The following KCND3 variants were observed in gnomAD, a reference collection of about 807,000 sequenced individuals.
The protein encoded by KCND3 is potassium voltage-gated channel subfamily D member 3.
KCND3 carries 9 observed loss-of-function variants against 51.1 expected under a neutral mutation model. That is an observed-to-expected ratio of 0.18 (90% CI 0.11 to 0.31). The LOEUF is 0.31. Among genes scored for constraint, KCND3 ranks in the 10% least tolerant of loss-of-function variants. The pLI, the probability that KCND3 is intolerant of heterozygous loss-of-function variation, is 1.00. For missense variants in KCND3, 526 were observed against 903.8 expected (o/e 0.58, Z 5.36); for synonymous variants, 349 against 368.0 (o/e 0.95, Z 0.59).
rs958270299 is a variant in KCND3, at chr1:111,786,868, C to T, written c.1269+76G>A. Reference sequence around the variant, plus strand: ...ATCTGTGCAGTGATCCTGTGAGGAGCTCTAGTCCTGGCTCCCTGACTGGTG... The same window carrying T: ...ATCTGTGCAGTGATCCTGTGAGGAGTTCTAGTCCTGGCTCCCTGACTGGTG... On this transcript the variant is annotated intron_variant, in intron 3 of 7. Coordinates refer to ENST00000302127, the MANE Select transcript of KCND3 (RefSeq NM_001378969.1). 4 of 1,564,468 alleles carry T rather than the reference C, an allele frequency of 2.6e-6. No individual in the cohort carries two copies. The African/African-American group carries it at 5.4e-5, about 21-fold the overall frequency.
At chr1:111,960,082 G>C (rs1239763674) in intron 2 of KCND3, among the ~76,000 whole-genome samples, 1 of 151,590 alleles carries the variant, frequency 6.6e-6, no homozygotes, top group Non-Finnish European at 1.5e-5. Flanking sequence ...CACCATGATT[G>C]TAAGTTTCCT....
intron 2 of KCND3, among the ~76,000 whole-genome samples, chr1:111,822,407 C>T (rs1666392927): frequency 6.6e-6 from 1 of 152,162 alleles, no homozygotes; most frequent in African/African-American, 2.4e-5. Flanking sequence ...ATTCCACTTT[C>T]TCTCTCTATG....
At chr1:111,903,127 T>C (rs1557708895) in intron 2 of KCND3, among the ~76,000 whole-genome samples, 1 of 152,216 alleles carries the variant, frequency 6.6e-6, no homozygotes, top group Non-Finnish European at 1.5e-5. Context: ...TCTTTCTCTC[T>C]GACTCCAGTC....
At chr1:111,976,233 T>C (rs1254366053) in intron 2 of KCND3, among the ~76,000 whole-genome samples, 1 of 152,134 alleles carries the variant, frequency 6.6e-6, no homozygotes, top group Non-Finnish European at 1.5e-5. Flanking sequence ...CCCCTTCTCC[T>C]CCTCCCTGGC....
chr1:111,827,432 G>A (rs577508795), intron 2 of KCND3, among the ~76,000 whole-genome samples: 27 of 152,310 alleles, frequency 1.8e-4, no homozygotes, highest in Non-Finnish European at 5.9e-5. Flanking sequence ...ACAGGAATCC[G>A]AGATATTGCC....
intron 2 of KCND3, among the ~76,000 whole-genome samples, chr1:111,811,664 C>T (rs1032125891): frequency 2.0e-5 from 3 of 152,170 alleles, no homozygotes; most frequent in African/African-American, 7.2e-5. Flanking sequence ...GGACTCTCTG[C>T]CTCTCCTCTT....
chr1:111,981,504 A>G lies in KCND3; in HGVS notation c.1106+117T>C. ...GATAGAGCAACTTCCCCTGCCCCCAACACTTGGGTAAGGGACTCCCTCCTC... is the reference window on the plus strand; with the variant it reads ...GATAGAGCAACTTCCCCTGCCCCCAGCACTTGGGTAAGGGACTCCCTCCTC... On this transcript the variant is annotated intron_variant, in intron 2 of 7. Transcript: ENST00000302127. This position sits in a 1 kb window ranked among gnomAD's most constrained non-coding sequence, Gnocchi z 6.2. The G allele has an allele frequency of 1.4e-6, 2 of 1,465,268 alleles. No homozygotes were observed. Among genetic ancestry groups the G allele is most frequent in the East Asian group, 2.3e-5 (1 of 43,886 alleles). 90.8% of individuals were successfully genotyped at this position (1,465,268 alleles called of 1,614,324 possible).
Position 111,961,906 on chromosome 1 carries a change from G to A in KCND3, c.1106+19715C>T, listed in dbSNP as rs72694630. Among the ~76,000 whole-genome samples the A allele has an allele frequency of 8.1e-4, 124 of 152,250 alleles. 1 individual carries two copies. Among genetic ancestry groups the A allele is most frequent in the Non-Finnish European group, 1.5e-3 (102 of 68,008 alleles). Reference sequence around the variant, plus strand: ...TGCCCACAGAGCCAAGCCTTCAGGCGGCTACAGTCCCACTTCTGTTCTCCC... The same window carrying A: ...TGCCCACAGAGCCAAGCCTTCAGGCAGCTACAGTCCCACTTCTGTTCTCCC... On this transcript the variant is annotated intron_variant, in intron 2 of 7. Coordinates refer to ENST00000302127, the MANE Select transcript of KCND3 (RefSeq NM_001378969.1).
At position 111,826,549 on chromosome 1, in the gene KCND3, A is replaced by T. The variant is rs139866653; in HGVS notation, c.1107-39443T>A. On this transcript the variant is annotated intron_variant, in intron 2 of 7. Transcript: ENST00000302127. ...GAACATACAAAGACATGCAGGTCTC[A>T]GGCCCTCAGGTTTGGCTCAGGGCTC... 7.9e-5 allele frequency among the ~76,000 whole-genome samples: 12 copies of T among 152,286 alleles called. No homozygotes were observed. In the East Asian group the frequency reaches 2.3e-3, roughly 29 times the overall value.
chr1:111,930,353 C>A (rs1671907339), intron 2 of KCND3, among the ~76,000 whole-genome samples: 1 of 152,332 alleles, frequency 6.6e-6, no homozygotes, highest in African/African-American at 2.4e-5. Flanking sequence ...AGAGGGCCTT[C>A]GCCGTTTAAT....
chr1:111,818,039 T>TGC (rs1553242141), intron 2 of KCND3, among the ~76,000 whole-genome samples: 1 of 94,724 alleles, frequency 1.1e-5, no homozygotes, highest in African/African-American at 4.3e-5. Context: ...CACACGCGCG[T>TGC]GCACACACAC....
At chr1:111,856,567 A>AC (rs923838713) in intron 2 of KCND3, among the ~76,000 whole-genome samples, 2 of 151,726 alleles carry the variant, frequency 1.3e-5, no homozygotes, top group East Asian at 3.9e-4. Context: ...CTCAGGCCAG[A>AC]CCCCCCCTTG....
chr1:111,896,165 C>T (rs1200733053), intron 2 of KCND3, among the ~76,000 whole-genome samples: 2 of 152,182 alleles, frequency 1.3e-5, no homozygotes, highest in Admixed American at 1.3e-4. Flanking sequence ...GAGGGACCTC[C>T]CCGAGAACAC....
chr1:111,844,339 A>G (rs553008648), intron 2 of KCND3, among the ~76,000 whole-genome samples: 1 of 152,162 alleles, frequency 6.6e-6, no homozygotes, highest in Non-Finnish European at 1.5e-5. Flanking sequence ...TATTCCTTTT[A>G]TTATTCCTAT....
At chr1:111,887,368 G>A (rs1411369032) in intron 2 of KCND3, among the ~76,000 whole-genome samples, 1 of 152,142 alleles carries the variant, frequency 6.6e-6, no homozygotes, top group Admixed American at 6.5e-5. Context: ...AGACAGAAGG[G>A]GGAGAACCAC....
At chr1:111,968,035 G>A (rs1053630329) in intron 2 of KCND3, among the ~76,000 whole-genome samples, 13 of 152,168 alleles carry the variant, frequency 8.5e-5, no homozygotes, top group Non-Finnish European at 1.2e-4. Flanking sequence ...TCTGCTCCTC[G>A]GATGAGAAGC....
Position 111,981,325 on chromosome 1 carries a change from C to T in KCND3, c.1106+296G>A, listed in dbSNP as rs75584783. Among the ~76,000 whole-genome samples, 1 of 151,940 alleles carries T rather than the reference C, an allele frequency of 6.6e-6. No homozygotes were observed. The highest frequency in any genetic ancestry group is 2.4e-5 in the African/African-American group (1 of 41,336). On this transcript the variant is annotated intron_variant, in intron 2 of 7. Coordinates refer to ENST00000302127, the MANE Select transcript of KCND3 (RefSeq NM_001378969.1). This position sits in a 1 kb window ranked among gnomAD's most constrained non-coding sequence, Gnocchi z 6.2. ...TACAAATGCAGACATCACCTCACCCCGAGACTTCACACGCACACAAGGCAT... is the reference window on the plus strand; with the variant it reads ...TACAAATGCAGACATCACCTCACCCTGAGACTTCACACGCACACAAGGCAT...
At position 111,968,615 on chromosome 1, in the gene KCND3, C is replaced by T. The variant is rs188668748; in HGVS notation, c.1106+13006G>A. On this transcript the variant is annotated intron_variant, in intron 2 of 7. Coordinates refer to ENST00000302127, the MANE Select transcript of KCND3 (RefSeq NM_001378969.1). ...CAGGAGGATCTTCCTCCCCTACCCC[C>T]GGCCCCATCTCTGTTATCTCCTGGA... is the stretch of plus-strand genomic sequence containing the variant. Among the ~76,000 whole-genome samples the T allele has an allele frequency of 1.1e-3, 164 of 152,304 alleles. 1 individual carries two copies. The highest frequency in any genetic ancestry group is 3.2e-3 in the Admixed American group (49 of 15,308).
intron 2 of KCND3, among the ~76,000 whole-genome samples, chr1:111,930,159 G>T (rs1160216046): frequency 4.8e-4 from 70 of 146,022 alleles, no homozygotes; most frequent in Non-Finnish European, 8.6e-4. Flanking sequence ...TTCGGTTTTT[G>T]TTTTTTTTTT....
Sources: gnomAD v4.1 joint callset for allele counts (sites outside exome capture counted in the v4.1 genomes callset) on GRCh38, gnomAD v4.1.1 for gene constraint, Gnocchi (gnomAD v3.1) non-coding constraint, MANE v1.5 for transcripts, NCBI Gene and HGNC (gene_info 2026-07-23, HGNC 2026-07-21) for gene names.